The following FGF12 variants were observed in gnomAD, a reference collection of about 807,000 sequenced individuals.
FGF12 encodes the protein fibroblast growth factor 12.
Under a neutral mutation model 23.6 loss-of-function variants are expected in FGF12, and 14 were observed. The ratio of observed to expected loss-of-function variants is 0.59; its 90% confidence interval spans 0.39 to 0.93. The LOEUF (loss-of-function observed/expected upper bound fraction) is 0.93. FGF12 is among the 40% of genes least tolerant of loss of function. The probability of loss-of-function intolerance (pLI) is 0.00; values close to 1 mark genes in which losing one functional copy is unlikely to be tolerated. For synonymous variants in FGF12, 62 were observed against 77.3 expected (o/e 0.80, Z 1.04); for missense variants, 175 against 217.8 (o/e 0.80, Z 1.24).
intron 2 of FGF12, among the ~76,000 whole-genome samples, chr3:192,389,384 G>C (rs114315757): frequency 1.3e-5 from 2 of 152,212 alleles, no homozygotes; most frequent in African/African-American, 4.8e-5. Flanking sequence ...TACATATTCC[G>C]CAATCTTCCC....
chr3:192,410,982 CT>C (rs1721181953), intron 2 of FGF12, among the ~76,000 whole-genome samples: 1 of 152,202 alleles, frequency 6.6e-6, no homozygotes, highest in East Asian at 1.9e-4. Context: ...CCTAATCTCT[CT>C]CCTTCAGACA....
At chr3:192,305,675 A>ATATATAT (rs1268001855) in intron 4 of FGF12, among the ~76,000 whole-genome samples, 6 of 114,630 alleles carry the variant, frequency 5.2e-5, no homozygotes, top group African/African-American at 2.3e-4. Flanking sequence ...GGAAAAAAAA[A>ATATATAT]AAAAATATAT....
At chr3:192,591,384 TA>T (rs1019462630) in intron 2 of FGF12, among the ~76,000 whole-genome samples, 19 of 151,850 alleles carry the variant, frequency 1.3e-4, no homozygotes, top group African/African-American at 3.9e-4. Context: ...TTTAATGCCT[TA>T]AAACAGCTGC....
rs180744258 is a variant in FGF12 at position 192,237,634 on chromosome 3, C to T, written c.229-66978G>A. 1.7e-3 allele frequency among the ~76,000 whole-genome samples: 256 copies of T among 152,204 alleles called. 2 individuals are homozygous for T. Among genetic ancestry groups the T allele is most frequent in the South Asian group, 8.3e-3 (40 of 4,814 alleles). ...AGTTTGATCTATTCAGTTATTAATG[C>T]CTCCAATTGCATTATAAAATTTCTG... On this transcript the variant is annotated intron_variant, in intron 4 of 5. Transcript: ENST00000445105.
At chr3:192,332,044 T>C (rs1019012171) in intron 4 of FGF12, among the ~76,000 whole-genome samples, 3 of 152,168 alleles carry the variant, frequency 2.0e-5, no homozygotes, top group African/African-American at 7.2e-5. Flanking sequence ...CCAAATTTGA[T>C]ATACACACAC....
intron 4 of FGF12, among the ~76,000 whole-genome samples, chr3:192,257,025 A>T (rs1712439105): frequency 6.6e-6 from 1 of 152,176 alleles, no homozygotes; most frequent in Non-Finnish European, 1.5e-5. Flanking sequence ...TTATGCTCTC[A>T]CAGACTAAAT....
chr3:192,589,309 TG>T, intron 2 of FGF12, among the ~76,000 whole-genome samples: 1 of 147,334 alleles, frequency 6.8e-6, no homozygotes, highest in Admixed American at 6.8e-5. Flanking sequence ...CCCTCCAGCC[TG>T]GTGACAGAGT....
At chr3:192,155,357 C>T (rs1714344896) in intron 5 of FGF12, among the ~76,000 whole-genome samples, 2 of 152,234 alleles carry the variant, frequency 1.3e-5, no homozygotes, top group African/African-American at 4.8e-5. Context: ...ATGAGTTGTT[C>T]TGGTGCTTTG....
At chr3:192,328,653 C>T (rs993624578) in intron 4 of FGF12, among the ~76,000 whole-genome samples, 5 of 152,268 alleles carry the variant, frequency 3.3e-5, no homozygotes, top group Admixed American at 3.3e-4. Context: ...GGAAAGTTAT[C>T]AATCTAAAGA....
chr3:192,640,016 A>G (rs761449670), intron 2 of FGF12, among the ~76,000 whole-genome samples: 5 of 152,178 alleles, frequency 3.3e-5, no homozygotes, highest in Non-Finnish European at 2.9e-5. Context: ...ATTAAAAAAA[A>G]AAAGTGAAAT....
At chr3:192,579,773 T>G (rs533587893) in intron 2 of FGF12, among the ~76,000 whole-genome samples, 2 of 152,184 alleles carry the variant, frequency 1.3e-5, no homozygotes, top group Non-Finnish European at 2.9e-5. Context: ...TTTCTCCATG[T>G]TGCCCAGGCT....
At position 192,514,812 on chromosome 3, in the gene FGF12, C is replaced by T. The variant is rs1303829280; in HGVS notation, c.14-154274G>A. 2.0e-6 allele frequency: 2 copies of T among 985,378 alleles called. No homozygotes were observed. Among genetic ancestry groups the T allele is most frequent in the East Asian group, 2.3e-4 (2 of 8,790 alleles). 61.0% of individuals were successfully genotyped at this position (985,378 alleles called of 1,614,324 possible). On this transcript the variant is annotated intron_variant, in intron 2 of 5. Coordinates refer to ENST00000445105, the MANE Select transcript of FGF12 (RefSeq NM_004113.6). The surrounding 1 kb of genome is among the most constrained non-coding windows in gnomAD (Gnocchi z 4.9). Reference sequence around the variant, plus strand: ...TCCCCGCCCACCTGCGCTAGTAGTCCAACCAACAGGCGGCCTGTCTTCGGA... The same window carrying T: ...TCCCCGCCCACCTGCGCTAGTAGTCTAACCAACAGGCGGCCTGTCTTCGGA...
At chr3:192,642,965 T>C (rs2108666698) in intron 2 of FGF12, among the ~76,000 whole-genome samples, 1 of 152,354 alleles carries the variant, frequency 6.6e-6, no homozygotes, top group East Asian at 1.9e-4. Context: ...TGCTCTGACT[T>C]ACAGTAAGAT....
chr3:192,543,020 C>G (rs539353126), intron 2 of FGF12, among the ~76,000 whole-genome samples: 5 of 152,202 alleles, frequency 3.3e-5, no homozygotes, highest in South Asian at 2.1e-4. Context: ...ATCACCTATG[C>G]TCACCCAAAT....
chr3:192,360,630 A>C lies in FGF12; in HGVS notation c.14-92T>G, dbSNP rs1164665077. The C allele has an allele frequency of 8.6e-6, 7 of 817,960 alleles. No homozygotes were observed. In the East Asian group the frequency reaches 1.7e-4, roughly 20 times the overall value. 50.7% of individuals were successfully genotyped at this position (817,960 alleles called of 1,614,324 possible). A position where few individuals can be genotyped will look rare whatever the true frequency, so the allele number is the denominator to read the frequency against. On this transcript the variant is annotated intron_variant, in intron 2 of 5. Coordinates refer to ENST00000445105, the MANE Select transcript of FGF12 (RefSeq NM_004113.6). The surrounding 1 kb of genome is among the most constrained non-coding windows in gnomAD (Gnocchi z 4.3). ...AAAACATCCTGTAAGTAAATACGTA[A>C]ATGCCAATAGCTTAAATATTGAATT...
intron 4 of FGF12, among the ~76,000 whole-genome samples, chr3:192,171,317 A>C (rs1715547331): frequency 6.6e-6 from 1 of 152,206 alleles, no homozygotes; most frequent in African/African-American, 2.4e-5. Context: ...ACAGAATGAG[A>C]GTTCTAGTCT....
chr3:192,180,857 A>G (rs1340249970), intron 4 of FGF12, among the ~76,000 whole-genome samples: 1 of 152,198 alleles, frequency 6.6e-6, no homozygotes, highest in African/African-American at 2.4e-5. Context: ...GCAGATACAC[A>G]GGAGGTAAGC....
intron 2 of FGF12, among the ~76,000 whole-genome samples, chr3:192,424,107 T>A: frequency 6.6e-6 from 1 of 151,766 alleles, no homozygotes; most frequent in Non-Finnish European, 1.5e-5. Context: ...AGACTATTAA[T>A]GCTTTCCCCA....
At chr3:192,520,665 C>T (rs9881280) in intron 2 of FGF12, among the ~76,000 whole-genome samples, 8,977 of 151,910 alleles carry the variant, frequency 0.059, 769 homozygotes, top group African/African-American at 0.2. Flanking sequence ...TATTTGGGTG[C>T]GTGAAACGTT....
Sources: allele counts gnomAD v4.1 joint callset (sites outside exome capture counted in the v4.1 genomes callset), GRCh38; gene constraint gnomAD v4.1.1; non-coding constraint Gnocchi (gnomAD v3.1); transcripts MANE v1.5; gene names NCBI Gene and HGNC (gene_info 2026-07-23, HGNC 2026-07-21).